The following GSDMB variants were observed in gnomAD, a reference collection of about 807,000 sequenced individuals.
GSDMB encodes gasdermin B, also known as gasdermin-B.
GSDMB carries 32 observed loss-of-function variants against 42.9 expected under a neutral mutation model. The ratio of observed to expected loss-of-function variants is 0.75; its 90% CI spans 0.56 to 1.00. The LOEUF (loss-of-function observed/expected upper bound fraction) is 1.00, where lower values mean the gene tolerates loss of function less well. Among genes scored for constraint, GSDMB ranks in the 50% least tolerant of loss-of-function variants. GSDMB has a pLI of 0.00. For missense variants in GSDMB, 468 were observed against 498.5 expected, an observed-to-expected ratio of 0.94 and a Z score of 0.58; for synonymous variants, 175 against 193.7, an observed-to-expected ratio of 0.90 and a Z score of 0.80.
At chr17:39,911,360 C>A (rs952043211) in intron 3 of GSDMB, among the ~76,000 whole-genome samples, 8 of 147,942 alleles carry the variant, frequency 5.4e-5, no homozygotes, top group African/African-American at 1.2e-4. Flanking sequence ...AAAAAAGGTA[C>A]CCGCTCCACT....
Position 39,906,095 on chromosome 17 carries a change from T to C in GSDMB, c.888+16A>G, listed in dbSNP as rs2063499939. The C allele has an allele frequency of 6.2e-7, 1 of 1,613,878 alleles. No individual in the cohort carries two copies. Among genetic ancestry groups the C allele is most frequent in the Non-Finnish European group, 8.5e-7 (1 of 1,179,808 alleles). On this transcript the variant is annotated intron_variant, in intron 8 of 10. Coordinates refer to ENST00000418519, the MANE Select transcript of GSDMB (RefSeq NM_001165958.2). ...CCTATCTCTCTCTGCCCCAAGGCTT[T>C]CTTAGGGTCCCTTACTCTTTGCTCT...
intron 2 of GSDMB, among the ~76,000 whole-genome samples, chr17:39,915,270 C>T (rs2063689697): frequency 6.6e-6 from 1 of 152,218 alleles, no homozygotes. Flanking sequence ...CTGTGCCCAG[C>T]CCTATGCACA....
chr17:39,911,647 C>G (rs2063611081), intron 3 of GSDMB, among the ~76,000 whole-genome samples: 1 of 152,202 alleles, frequency 6.6e-6, no homozygotes, highest in Non-Finnish European at 1.5e-5. Flanking sequence ...CTCTCTTTCA[C>G]TCAGTACCTA....
intron 3 of GSDMB, among the ~76,000 whole-genome samples, chr17:39,910,387 T>A (rs1462090250): frequency 6.6e-6 from 1 of 152,186 alleles, no homozygotes; most frequent in Non-Finnish European, 1.5e-5. Context: ...GATTACAATG[T>A]GCCAGCTGTG....
intron 1 of GSDMB, chr17:39,918,260 G>A (rs1483166834): frequency 2.6e-5 from 4 of 152,134 alleles, no homozygotes; most frequent in African/African-American, 9.7e-5. Context: ...GCAATTGGAT[G>A]GGTGCCTCCC....
At chr17:39,914,833 C>CTTTTTTTTTTTTTTTTTTTTTTTTTTTTT (rs79835993) in intron 2 of GSDMB, among the ~76,000 whole-genome samples, 1 of 140,050 alleles carries the variant, frequency 7.1e-6, no homozygotes. Flanking sequence ...CCTATGCACA[C>CTTTTTTTTTTTTTTTTTTTTTTTTTTTTT]TTTTTTTTTT....
intron 2 of GSDMB, among the ~76,000 whole-genome samples, chr17:39,915,992 C>G (rs1031459): frequency 0.75 from 114,685 of 151,930 alleles, 44,431 homozygotes; most frequent in African/African-American, 0.94. Context: ...CCATATTCCA[C>G]TTTGGGCTCC....
chr17:39,906,485 C>T (rs111655187), intron 7 of GSDMB: 35 of 1,146,062 alleles, frequency 3.1e-5, no homozygotes, highest in Admixed American at 1.2e-4. Flanking sequence ...CCCCAGCTCA[C>T]CCCCAGTCTA....
At position 39,904,840 on chromosome 17, in the gene GSDMB, G is replaced by C. The variant is rs1162083069; in HGVS notation, c.1223C>G (p.Ala408Gly). 3 of 1,613,920 alleles carry C rather than the reference G, an allele frequency of 1.9e-6. No homozygotes were observed. Among genetic ancestry groups the C allele is most frequent in the Non-Finnish European group, 2.5e-6 (3 of 1,179,924 alleles). Reference sequence around the variant, plus strand: ...GGAAGAGACAGAGGTAGGCCCCTCAGCCAGCTCCAGCAGGATAGAGACAAC... The same window carrying C: ...GGAAGAGACAGAGGTAGGCCCCTCACCCAGCTCCAGCAGGATAGAGACAAC... ...YVVVSILLEL[A>G]EGPTSVSS The change falls in exon 11 of 11, where the codon GCT (alanine) becomes GGT (glycine). Residue 408 changes from alanine (A) to glycine (G), a missense_variant. Transcript: ENST00000418519.
rs778417450 is a variant in GSDMB at position 39,906,986 on chromosome 17, C to T, written c.702G>A (p.Glu234=). 4 of 1,613,954 alleles carry T rather than the reference C, an allele frequency of 2.5e-6. No individual in the cohort carries two copies. Among genetic ancestry groups the T allele is most frequent in the Non-Finnish European group, 3.4e-6 (4 of 1,179,854 alleles). ...CTAAACAGGATGAAGCACCATCCTT[C>T]TCTGCAGAGAGAGGAAGAGTTATTT... The part of the protein sequence containing the change: ...FRGKTKSFPE[E]KDGASSCLGK... Residue 234 remains glutamate (E), a splice_region_variant and synonymous_variant, in exon 7 of 11, where the codon GAG becomes GAA. Transcript: ENST00000418519.
At position 39,908,212 on chromosome 17, in the gene GSDMB, T is replaced by C. The variant is rs1381946733; in HGVS notation, c.664A>G (p.Ile222Val). Residue 222 changes from isoleucine to valine, a missense_variant and splice_region_variant, in exon 6 of 11, where the codon ATT becomes GTT. Ile to Val is a conservative substitution (Grantham distance 29, BLOSUM62 3). Coordinates refer to ENST00000418519, the MANE Select transcript of GSDMB (RefSeq NM_001165958.2). ...GATTTTGTTTTGCCCCTGAAATGAA[T>C]ATCTAAACCAGCACCAAAAAGGGAG... ...LVFPNKETMN[I>V]HFRGKTKSFP... 2.0e-6 allele frequency: 3 copies of C among 1,518,500 alleles called. No homozygotes were observed. The highest frequency in any genetic ancestry group is 1.8e-6 in the Non-Finnish European group (2 of 1,117,564). The allele number at this position is 1,518,500 out of a possible 1,614,324, so 94.1% of individuals were successfully genotyped here.
rs117396226 is a variant in GSDMB at position 39,915,720 on chromosome 17, T to G, written c.235+1362A>C. ...ATCTGAAATTTCTCCAAAAGCCCCT[T>G]GCTTGCTTAACGAAACTCTGCTTGT... On this transcript the variant is annotated intron_variant, in intron 2 of 10. Coordinates refer to ENST00000418519, the MANE Select transcript of GSDMB (RefSeq NM_001165958.2). Among the ~76,000 whole-genome samples the G allele has an allele frequency of 2.0e-3, 297 of 152,202 alleles. 3 individuals are homozygous for G. In the East Asian group the frequency reaches 0.026, roughly 13 times the overall value.
At position 39,906,256 on chromosome 17, in the gene GSDMB, G is replaced by T; in HGVS notation, c.743C>A (p.Ser248Ter). The T allele has an allele frequency of 1.9e-6, 3 of 1,614,046 alleles. No individual in the cohort carries two copies. In the South Asian group the frequency reaches 3.3e-5, roughly 18 times the overall value. ...CTCCTTCATGTTTCTGGAATCCTCCGAACCCAAAGACTTTCCTGTAGAGGC... is the reference window on the plus strand; with the variant it reads ...CTCCTTCATGTTTCTGGAATCCTCCTAACCCAAAGACTTTCCTGTAGAGGC... ...ASSCLGKSLG[S>*]EDSRNMKEKL... The change falls in exon 8 of 11, where the codon TCG becomes TAG. Residue 248 changes from serine to a stop codon, truncating the protein, a stop_gained. Coordinates refer to ENST00000418519, the MANE Select transcript of GSDMB (RefSeq NM_001165958.2). LOFTEE classifies it high-confidence loss of function.
intron 1 of GSDMB, chr17:39,918,246 C>T (rs1330391897): frequency 6.6e-6 from 1 of 152,200 alleles, no homozygotes; most frequent in African/African-American, 2.4e-5. Flanking sequence ...CTGTATTCTG[C>T]AAGGCAATTG....
intron 10 of GSDMB, 67 bp downstream of exon 10, chr17:39,905,359 T>C: frequency 9.1e-7 from 1 of 1,099,490 alleles, no homozygotes. Context: ...CTGGGACTTC[T>C]GGGTCCCTTG....
At position 39,909,126 on chromosome 17, in the gene GSDMB, C is replaced by T. The variant is rs376607642; in HGVS notation, c.577-84G>A. On this transcript the variant is annotated intron_variant, in intron 4 of 10. Coordinates refer to ENST00000418519, the MANE Select transcript of GSDMB (RefSeq NM_001165958.2). ...TGATCTCCCAAACAATCCTGTGAGG[C>T]AGTCATTTGTATCCCCATTTTATAG... 11 of 782,376 alleles carry T rather than the reference C, an allele frequency of 1.4e-5. No homozygotes were observed. In the East Asian group the frequency reaches 1.7e-4, roughly 12 times the overall value. The allele number at this position is 782,376 out of a possible 1,614,324, so 48.5% of individuals were successfully genotyped here. A position where few individuals can be genotyped will look rare whatever the true frequency, so the allele number is the denominator to read the frequency against.
intron 10 of GSDMB, 129 bp downstream of exon 10, chr17:39,905,297 G>A (rs2063483926): frequency 1.5e-6 from 1 of 671,816 alleles, no homozygotes; most frequent in Admixed American, 2.7e-5. Flanking sequence ...TCACAAACCA[G>A]CTGCATGGAT....
chr17:39,905,438 C>T lies in GSDMB; in HGVS notation c.1086G>A (p.Leu362=). 2 of 1,606,064 alleles carry T rather than the reference C, an allele frequency of 1.2e-6. No homozygotes were observed. Among genetic ancestry groups the T allele is most frequent in the Non-Finnish European group, 1.7e-6 (2 of 1,176,030 alleles). ...CAGGCTGTCTCACCTGGTCCTTCAA[C>T]AGAGGAAGGGTCCCCTTCTCCAGGG... is the stretch of plus-strand genomic sequence containing the variant. ...AEALEKGTLP[L]LKDQVKSVME... The change falls in exon 10 of 11, where the codon CTG becomes CTA. Residue 362 remains leucine (L), a synonymous_variant. Transcript: ENST00000418519.
intron 8 of GSDMB, 35 bp downstream of exon 8, chr17:39,906,076 T>G: frequency 6.2e-7 from 1 of 1,613,330 alleles, no homozygotes; most frequent in Non-Finnish European, 8.5e-7. Flanking sequence ...GGCTCCTATC[T>G]CTCTCTGCCC....
Sources: allele counts gnomAD v4.1 joint callset (sites outside exome capture counted in the v4.1 genomes callset), GRCh38; gene constraint gnomAD v4.1.1; transcripts MANE v1.5; gene names NCBI Gene and HGNC (gene_info 2026-07-23, HGNC 2026-07-21).